Variants in GRM1 observed in about 807,000 individuals in gnomAD.
GRM1 encodes the protein metabotropic glutamate receptor 1.
A neutral mutation model predicts 90.9 loss-of-function variants in GRM1; 33 were observed. The ratio of observed to expected loss-of-function variants is 0.36; its 90% CI spans 0.28 to 0.49. The LOEUF (loss-of-function observed/expected upper bound fraction) is 0.49, where lower values mean the gene tolerates loss of function less well. Among genes scored for constraint, GRM1 ranks in the 20% least tolerant of loss-of-function variants. The probability of loss-of-function intolerance (pLI) is 0.99; values close to 1 mark genes in which losing one functional copy is unlikely to be tolerated. For missense variants in GRM1, 1,190 were observed against 1,534.3 expected (o/e 0.78, Z 3.75); for synonymous variants, 700 against 613.2 (o/e 1.14, Z -2.09).
At chr6:146,324,782 A>G (rs1272274213) in intron 3 of GRM1, among the ~76,000 whole-genome samples, 1 of 152,192 alleles carries the variant, frequency 6.6e-6, no homozygotes, top group East Asian at 1.9e-4. Context: ...CAGTGAGATG[A>G]GCCAGGTACC....
At chr6:146,432,146 G>A (rs362815) in intron 7 of GRM1, among the ~76,000 whole-genome samples, 76,629 of 151,998 alleles carry the variant, frequency 0.5, 19,383 homozygotes, top group South Asian at 0.6. Context: ...AATGTGTAAG[G>A]CATATATTTG....
intron 3 of GRM1, among the ~76,000 whole-genome samples, chr6:146,344,001 C>T (rs1339469158): frequency 6.6e-6 from 1 of 152,066 alleles, no homozygotes; most frequent in Non-Finnish European, 1.5e-5. Flanking sequence ...TATACGTATG[C>T]CAGACCACAT....
At position 146,425,214 on chromosome 6, in the gene GRM1, G is replaced by A. The variant is rs1227185674; in HGVS notation, c.2661-8658G>A. Among the ~76,000 whole-genome samples the A allele has an allele frequency of 2.0e-5, 3 of 152,290 alleles. No individual in the cohort carries two copies. The East Asian group carries it at 5.8e-4, about 29-fold the overall frequency. Reference sequence around the variant, plus strand: ...TTGTTTTTTCTCTGTTACATTCAATGTGCTATGGAAAATCTTTTCCTGCCT... The same window carrying A: ...TTGTTTTTTCTCTGTTACATTCAATATGCTATGGAAAATCTTTTCCTGCCT... On this transcript the variant is annotated intron_variant, in intron 7 of 7. Transcript: ENST00000282753.
intron 5 of GRM1, among the ~76,000 whole-genome samples, chr6:146,363,081 T>C (rs890125923): frequency 3.9e-5 from 6 of 152,228 alleles, no homozygotes; most frequent in African/African-American, 1.4e-4. Flanking sequence ...TTAGTAGATA[T>C]AGCTACTTGA....
At chr6:146,066,398 AT>A (rs1190468792) in intron 1 of GRM1, among the ~76,000 whole-genome samples, 1 of 152,070 alleles carries the variant, frequency 6.6e-6, no homozygotes, top group Non-Finnish European at 1.5e-5. Context: ...AAAGGACAAG[AT>A]TTTTTTAATG....
At chr6:146,079,927 C>A (rs2128862731) in intron 1 of GRM1, among the ~76,000 whole-genome samples, 1 of 152,180 alleles carries the variant, frequency 6.6e-6, no homozygotes, top group Middle Eastern at 3.4e-3. Flanking sequence ...GCCTGGATTT[C>A]ATTTTGTATT....
At chr6:146,104,763 C>T (rs1777170492) in intron 1 of GRM1, among the ~76,000 whole-genome samples, 1 of 152,244 alleles carries the variant, frequency 6.6e-6, no homozygotes, top group Middle Eastern at 3.4e-3. Context: ...AAATGCAACA[C>T]CATACTGTAA....
At chr6:146,379,177 T>G (rs558167606) in intron 5 of GRM1, among the ~76,000 whole-genome samples, 1 of 152,296 alleles carries the variant, frequency 6.6e-6, no homozygotes, top group African/African-American at 2.4e-5. Context: ...ACCCTATCTC[T>G]TTCTCTACCC....
intron 3 of GRM1, among the ~76,000 whole-genome samples, chr6:146,343,636 ATTGTTGTTG>A (rs1260570974): frequency 6.9e-6 from 1 of 144,416 alleles, no homozygotes; most frequent in Non-Finnish European, 1.5e-5. Context: ...TCCATTTTTT[ATTGTTGTTG>A]TTGTTGTTTT....
At chr6:146,210,273 A>G (rs1779645762) in intron 2 of GRM1, among the ~76,000 whole-genome samples, 1 of 152,186 alleles carries the variant, frequency 6.6e-6, no homozygotes, top group African/African-American at 2.4e-5. Flanking sequence ...TATGTTCTTG[A>G]ACTGTATATC....
intron 3 of GRM1, among the ~76,000 whole-genome samples, chr6:146,343,886 GTCCT>G (rs1237062858): frequency 6.6e-6 from 1 of 152,016 alleles, no homozygotes; most frequent in Admixed American, 6.6e-5. Context: ...TCCCCAAAAA[GTCCT>G]GATCCCTTTT....
chr6:146,342,544 C>A (rs896596396), intron 3 of GRM1, among the ~76,000 whole-genome samples: 2 of 152,132 alleles, frequency 1.3e-5, no homozygotes, highest in African/African-American at 4.8e-5. Context: ...TAGTGACCTC[C>A]ACATCCACAT....
chr6:146,029,987 C>T lies in GRM1; in HGVS notation c.470C>T (p.Ala157Val), dbSNP rs1243982858. The T allele has an allele frequency of 6.2e-7, 1 of 1,614,078 alleles. No homozygotes were observed. The change falls in exon 1 of 8, where the codon GCG becomes GTG. Residue 157 changes from alanine (A) to valine (V), a missense_variant. Physicochemically the swap from Ala to Val is moderately conservative, Grantham distance 64 (BLOSUM62 0). Transcript: ENST00000282753. ...CCAGGCAGGACTAAGAAGCCCATTG[C>T]GGGAGTGATCGGTCCCGGCTCCAGC... ...LPPGRTKKPI[A>V]GVIGPGSSSV...
rs755779609 is a variant in GRM1 at position 146,159,496 on chromosome 6, G to A, written c.849G>A (p.Lys283=). Reference sequence around the variant, plus strand: ...GCAAACTCCGAGAGAGGCTTCCCAAGGCTAGAGTGGTGGTCTGCTTCTGTG... The same window carrying A: ...GCAAACTCCGAGAGAGGCTTCCCAAAGCTAGAGTGGTGGTCTGCTTCTGTG... ...LLRKLRERLP[K]ARVVVCFCEG... The change falls in exon 2 of 8, where the codon AAG becomes AAA. Residue 283 remains lysine, a synonymous_variant. Coordinates refer to ENST00000282753, the MANE Select transcript of GRM1 (RefSeq NM_001278064.2). 3 of 1,614,088 alleles carry A rather than the reference G, an allele frequency of 1.9e-6. No homozygotes were observed. In the South Asian group the frequency reaches 3.3e-5, roughly 18 times the overall value.
chr6:146,287,140 C>T (rs1178520478), intron 2 of GRM1, among the ~76,000 whole-genome samples: 1 of 152,090 alleles, frequency 6.6e-6, no homozygotes, highest in African/African-American at 2.4e-5. Context: ...AGCTATTGGC[C>T]ATTGGCCAAG....
At chr6:146,136,294 C>A (rs982864608) in intron 1 of GRM1, among the ~76,000 whole-genome samples, 2 of 152,058 alleles carry the variant, frequency 1.3e-5, no homozygotes, top group Non-Finnish European at 2.9e-5. Flanking sequence ...TGGGTCTATA[C>A]CTAGAAGTGG....
chr6:146,425,635 C>T (rs1173254626), intron 7 of GRM1, among the ~76,000 whole-genome samples: 1 of 152,210 alleles, frequency 6.6e-6, no homozygotes, highest in East Asian at 1.9e-4. Context: ...AGTCCCCTGA[C>T]ATGAGAGATT....
intron 2 of GRM1, among the ~76,000 whole-genome samples, chr6:146,256,143 C>G (rs796365117): frequency 2.0e-5 from 3 of 152,290 alleles, no homozygotes; most frequent in African/African-American, 4.8e-5. Flanking sequence ...AATCTGGGAT[C>G]TGCCACTGTG....
chr6:146,395,648 T>C (rs1482135678), intron 6 of GRM1, among the ~76,000 whole-genome samples: 1 of 152,158 alleles, frequency 6.6e-6, no homozygotes, highest in Non-Finnish European at 1.5e-5. Context: ...ATGTTCTGTA[T>C]TCATGAAGTT....
Sources: gnomAD v4.1 joint callset for allele counts (sites outside exome capture counted in the v4.1 genomes callset) on GRCh38, gnomAD v4.1.1 for gene constraint, MANE v1.5 for transcripts, NCBI Gene and HGNC (gene_info 2026-07-23, HGNC 2026-07-21) for gene names.